Variants in ZNF584 observed in about 807,000 individuals in gnomAD.
ZNF584 encodes the protein zinc finger protein 584.
A neutral mutation model predicts 14.7 loss-of-function variants in ZNF584; 12 were observed. The ratio of observed to expected loss-of-function variants is 0.82; its 90% CI spans 0.52 to 1.32. ZNF584 has a LOEUF of 1.32. ZNF584 is among the 40% of genes most tolerant of loss of function. The pLI, the probability that ZNF584 is intolerant of heterozygous loss-of-function variation, is 0.00. For synonymous variants in ZNF584, 204 were observed against 190.9 expected (o/e 1.07, Z -0.57); for missense variants, 478 against 518.8 (o/e 0.92, Z 0.76).
chr19:58,410,551 ATATATATGTG>A (rs1568584412), intron 2 of ZNF584, among the ~76,000 whole-genome samples: 3 of 31,436 alleles, frequency 9.5e-5, no homozygotes, highest in East Asian at 1.0e-3. Context: ...ATATATATAT[ATATATATGTG>A]TATATATATA....
At position 58,417,294 on chromosome 19, in the gene ZNF584, T is replaced by G; in HGVS notation, c.776T>G (p.Leu259Arg). The part of the protein sequence containing the change: ...KTFNRKDALV[L>R]HQRIHTGERP... ...TTCAACCGCAAAGACGCACTTGTTCTACACCAGAGGATTCACACTGGAGAA... is the reference window on the plus strand; with the variant it reads ...TTCAACCGCAAAGACGCACTTGTTCGACACCAGAGGATTCACACTGGAGAA... Residue 259 changes from leucine (L) to arginine (R), a missense_variant, in exon 4 of 4, where the codon CTA becomes CGA. Leu to Arg is a moderately radical substitution (Grantham distance 102, BLOSUM62 -2). Transcript: ENST00000306910. The G allele has an allele frequency of 1.9e-6, 3 of 1,614,240 alleles. No individual in the cohort carries two copies. The highest frequency in any genetic ancestry group is 2.5e-6 in the Non-Finnish European group (3 of 1,180,042).
intron 2 of ZNF584, among the ~76,000 whole-genome samples, chr19:58,414,446 C>G (rs1317039884): frequency 6.6e-6 from 1 of 151,974 alleles, no homozygotes; most frequent in Non-Finnish European, 1.5e-5. Context: ...TCACGCCATT[C>G]TCCTGCCTCA....
rs1340458767 is a variant in ZNF584 at position 58,408,745 on chromosome 19, T to G, written c.-403T>G. The G allele has an allele frequency of 9.5e-6, 1 of 105,312 alleles. No homozygotes were observed. The highest frequency in any genetic ancestry group is 3.8e-5 in the African/African-American group (1 of 26,334). 6.5% of individuals were successfully genotyped at this position (105,312 alleles called of 1,614,324 possible). ...GAGGGGAGGCGCGGGCCACGGGAGT[T>G]CCGGGAGTTCCGGCGTTGCCCGGCA... On this transcript the variant is annotated 5_prime_UTR_variant, in exon 1 of 4. Coordinates refer to ENST00000306910, the MANE Select transcript of ZNF584 (RefSeq NM_173548.3).
In ZNF584 at chr19:58,409,912, G is replaced by GT. The variant is rs1386048764; in HGVS notation, c.19-22dup. 7 of 1,613,934 alleles carry GT rather than the reference G, an allele frequency of 4.3e-6. No individual in the cohort carries two copies. In the South Asian group the frequency reaches 5.5e-5, roughly 13 times the overall value. Reference sequence around the variant, plus strand: ...GTGTCCATCTGTCCATATTTTGGTTGTTTTTTTCTGCCCATCATTGACCCC... The same window carrying GT: ...GTGTCCATCTGTCCATATTTTGGTTGTTTTTTTTCTGCCCATCATTGACCCC... On this transcript the variant is annotated intron_variant, in intron 1 of 3. Transcript: ENST00000306910.
At chr19:58,407,996 CCCATACGT>C (rs56344425), upstream of ZNF584, 26,708 of 152,186 alleles carry the variant, frequency 0.18, 2,565 homozygotes, top group Non-Finnish European at 0.22. Flanking sequence ...ACACCTGTGG[CCCATACGT>C]CGCCCGCATT....
Position 58,410,703 on chromosome 19 carries a change from A to G in ZNF584, c.169+612A>G, listed in dbSNP as rs1373941976. On this transcript the variant is annotated intron_variant, in intron 2 of 3. Transcript: ENST00000306910. ...TATATATGTATATATGTATATATAT[A>G]TGTATATATGTGTATATATATATGT... is the stretch of plus-strand genomic sequence containing the variant. Among the ~76,000 whole-genome samples, 187 of 53,930 alleles carry G rather than the reference A, an allele frequency of 3.5e-3. 31 individuals are homozygous for G. Among genetic ancestry groups the G allele is most frequent in the Middle Eastern group, 0.011 (2 of 174 alleles). The allele number at this position is 53,930 out of a possible 152,430, so 35.4% of individuals were successfully genotyped here.
chr19:58,410,539 A>ATATG lies in ZNF584; in HGVS notation c.169+451_169+452insGTAT, dbSNP rs1555785513. 2.0e-3 allele frequency among the ~76,000 whole-genome samples: 79 copies of ATATG among 38,700 alleles called. 12 individuals carry two copies. The highest frequency in any genetic ancestry group is 8.2e-3 in the Admixed American group (23 of 2,800). 25.4% of individuals were successfully genotyped at this position (38,700 alleles called of 152,430 possible). On this transcript the variant is annotated intron_variant, in intron 2 of 3. Coordinates refer to ENST00000306910, the MANE Select transcript of ZNF584 (RefSeq NM_173548.3). ...GGGAAATATATATATATATATATAT[A>ATATG]TATATATATATATATATATGTGTAT...
At position 58,418,015 on chromosome 19, in the gene ZNF584, T is replaced by C. The variant is rs2052669074; in HGVS notation, c.*231T>C. Reference sequence around the variant, plus strand: ...GTTTATCCACCGCCATCCACCTCTATCCACCCCATAAGGTCCCTACAGCAA... The same window carrying C: ...GTTTATCCACCGCCATCCACCTCTACCCACCCCATAAGGTCCCTACAGCAA... On this transcript the variant is annotated 3_prime_UTR_variant, in exon 4 of 4. Transcript: ENST00000306910. 7.1e-6 allele frequency: 4 copies of C among 564,012 alleles called. No homozygotes were observed. The highest frequency in any genetic ancestry group is 5.6e-5 in the African/African-American group (3 of 53,216). The allele number at this position is 564,012 out of a possible 1,614,324, so 34.9% of individuals were successfully genotyped here. A position where few individuals can be genotyped will look rare whatever the true frequency, so the allele number is the denominator to read the frequency against.
chr19:58,405,143 G>A (rs1192258684), upstream of ZNF584: 4 of 144,332 alleles, frequency 2.8e-5, no homozygotes, highest in African/African-American at 7.9e-5. Context: ...CGCACCTCCC[G>A]GACGGGGCGG....
rs528440405 is a variant in ZNF584, at chr19:58,417,485, G to A, written c.967G>A (p.Glu323Lys). ...FILHQRVHTG[E>K]RPFECKQCGK... ...TCTTCACCAGAGAGTTCACACTGGA[G>A]AAAGGCCTTTTGAATGCAAGCAATG... Residue 323 changes from glutamate (E) to lysine (K), a missense_variant, in exon 4 of 4, where the codon GAA becomes AAA. Glu to Lys is a moderately conservative substitution (Grantham distance 56, BLOSUM62 1). Coordinates refer to ENST00000306910, the MANE Select transcript of ZNF584 (RefSeq NM_173548.3). 5.0e-6 allele frequency: 8 copies of A among 1,614,214 alleles called. No individual in the cohort carries two copies. Among genetic ancestry groups the A allele is most frequent in the Non-Finnish European group, 5.9e-6 (7 of 1,180,046 alleles).
chr19:58,410,544 T>TTTTTTTTTTTTTTTTTTTTTTTTTGAG, intron 2 of ZNF584, among the ~76,000 whole-genome samples: 1 of 61,730 alleles, frequency 1.6e-5, no homozygotes, highest in Non-Finnish European at 2.7e-5. Context: ...TATATATATA[T>TTTTTTTTTTTTTTTTTTTTTTTTTGAG]ATATATATAT....
chr19:58,410,601 A>ATGTATGTATATATATGTGTATATATG (rs2052545809), intron 2 of ZNF584, among the ~76,000 whole-genome samples: 3 of 40,134 alleles, frequency 7.5e-5, no homozygotes, highest in African/African-American at 5.5e-4. Context: ...ATGTATATAT[A>ATGTATGTATATATATGTGTATATATG]TGTATATATA....
At chr19:58,409,256 G>C in intron 1 of ZNF584, 91 bp downstream of exon 1, 1 of 1,324,574 alleles carries the variant, frequency 7.5e-7, no homozygotes, top group Non-Finnish European at 9.8e-7. Context: ...CAGGAGATCT[G>C]CGTATGATTC....
chr19:58,402,094 T>G (rs1483780488), intron 1 of ZNF584, among the ~76,000 whole-genome samples: 3 of 151,798 alleles, frequency 2.0e-5, no homozygotes, highest in Non-Finnish European at 4.4e-5. Flanking sequence ...TTTTTTTAAA[T>G]GCAGTCAAAT....
At chr19:58,406,344 C>CGGGGGGGGGGGGGGGG (rs1171489261), upstream of ZNF584, 3 of 24,412 alleles carry the variant, frequency 1.2e-4, no homozygotes, top group Admixed American at 3.9e-4. Flanking sequence ...GTGGAAAGAG[C>CGGGGGGGGGGGGGGGG]GGGGGGGGGG....
In ZNF584 at chr19:58,409,935, C is replaced by T; in HGVS notation, c.19-6C>T. 1 of 1,613,890 alleles carries T rather than the reference C, an allele frequency of 6.2e-7. No individual in the cohort carries two copies. Among genetic ancestry groups the T allele is most frequent in the Non-Finnish European group, 8.5e-7 (1 of 1,179,964 alleles). On this transcript the variant is annotated splice_polypyrimidine_tract_variant and splice_region_variant and intron_variant, in intron 1 of 3. Transcript: ENST00000306910. The stretch of plus-strand genomic sequence containing the variant: ...TTGTTTTTTTCTGCCCATCATTGAC[C>T]CCAAGGCTCAGTTGGACCCATCATT...
In ZNF584 at chr19:58,410,567, A is replaced by ATG. The variant is rs1568584487; in HGVS notation, c.169+477_169+478insGT. Among the ~76,000 whole-genome samples the ATG allele has an allele frequency of 2.0e-3, 13 of 6,474 alleles. 2 individuals are homozygous for ATG. Among genetic ancestry groups the ATG allele is most frequent in the Admixed American group, 6.8e-3 (6 of 876 alleles). The allele number at this position is 6,474 out of a possible 152,430, so 4.2% of individuals were successfully genotyped here. On this transcript the variant is annotated intron_variant, in intron 2 of 3. Transcript: ENST00000306910. ...TATATATATATATATATGTGTATATATATATGTATATATATGTATATATAT... is the reference window on the plus strand; with the variant it reads ...TATATATATATATATATGTGTATATATGTATATGTATATATATGTATATATAT...
intron 3 of ZNF584, chr19:58,416,150 TG>T: frequency 1.8e-6 from 1 of 541,812 alleles, no homozygotes; most frequent in Non-Finnish European, 3.2e-6. Context: ...TCATCTCAGT[TG>T]AGGTTTTCCT....
rs191511451 is a variant in ZNF584, at chr19:58,402,812, G to A, written n.92+1150G>A. On this transcript the variant is annotated intron_variant and non_coding_transcript_variant, in intron 1 of 3. Transcript: ENST00000594993. ...GCACTCCAGCCTGGGCAACAAGAGC[G>A]AAACTGCGTCTCAAAAAAAAAAAAA... is the stretch of plus-strand genomic sequence containing the variant. Among the ~76,000 whole-genome samples, 851 of 100,020 alleles carry A rather than the reference G, an allele frequency of 8.5e-3. 10 individuals carry two copies. The highest frequency in any genetic ancestry group is 0.032 in the African/African-American group (798 of 24,686). The allele number at this position is 100,020 out of a possible 152,430, so 65.6% of individuals were successfully genotyped here. A position where few individuals can be genotyped will look rare whatever the true frequency, so the allele number is the denominator to read the frequency against.
Sources: allele counts gnomAD v4.1 joint callset (sites outside exome capture counted in the v4.1 genomes callset), GRCh38; gene constraint gnomAD v4.1.1; transcripts MANE v1.5; gene names NCBI Gene and HGNC (gene_info 2026-07-23, HGNC 2026-07-21).